The following TUSC3 variants were observed in gnomAD, a reference collection of about 807,000 sequenced individuals.
The protein encoded by TUSC3 is tumor suppressor candidate 3.
Under a neutral mutation model 44.8 loss-of-function variants are expected in TUSC3, and 45 were observed. The ratio of observed to expected loss-of-function variants is 1.00; its 90% CI spans 0.79 to 1.29. TUSC3 has a LOEUF of 1.29. Among genes scored for constraint, TUSC3 ranks in the 50% most tolerant of loss-of-function variants. The pLI, the probability that TUSC3 is intolerant of heterozygous loss-of-function variation, is 0.00. For synonymous variants in TUSC3, 212 were observed against 152.9 expected (o/e 1.39, Z -2.85); for missense variants, 519 against 437.9 (o/e 1.19, Z -1.65).
intron 1 of TUSC3, among the ~76,000 whole-genome samples, chr8:15,481,338 G>T (rs1377291875): frequency 2.0e-5 from 3 of 151,910 alleles, no homozygotes; most frequent in Non-Finnish European, 4.4e-5. Flanking sequence ...CCATTATTGA[G>T]GAGGTGGATT....
chr8:15,701,561 A>G (rs1424638953), intron 6 of TUSC3, among the ~76,000 whole-genome samples: 1 of 152,092 alleles, frequency 6.6e-6, no homozygotes, highest in African/African-American at 2.4e-5. Context: ...ATAGAAGTAG[A>G]TGCATAGAGA....
chr8:15,529,075 T>C (rs138236491), intron 2 of TUSC3, among the ~76,000 whole-genome samples: 3 of 152,352 alleles, frequency 2.0e-5, no homozygotes, highest in Admixed American at 6.5e-5. Flanking sequence ...GTAAGTGACA[T>C]ACTGTTTGCT....
intron 2 of TUSC3, among the ~76,000 whole-genome samples, chr8:15,530,934 C>T (rs541380828): frequency 3.7e-4 from 56 of 152,118 alleles, no homozygotes; most frequent in Non-Finnish European, 7.5e-4. Context: ...CATGTGATGA[C>T]GAACCTCGGG....
At chr8:15,530,243 A>C in intron 2 of TUSC3, among the ~76,000 whole-genome samples, 1 of 152,004 alleles carries the variant, frequency 6.6e-6, no homozygotes, top group Non-Finnish European at 1.5e-5. Context: ...CTCTAAAGGA[A>C]ACACACTGAA....
intron 2 of TUSC3, among the ~76,000 whole-genome samples, chr8:15,647,782 T>C (rs1304410874): frequency 1.3e-5 from 2 of 152,212 alleles, no homozygotes; most frequent in Non-Finnish European, 2.9e-5. Context: ...CTTGATTATT[T>C]GTCTCAACGT....
intron 6 of TUSC3, among the ~76,000 whole-genome samples, chr8:15,689,821 GGTGTGTGTGTGTGTGTGTGTGT>G (rs71543657): frequency 4.5e-4 from 59 of 131,056 alleles, no homozygotes; most frequent in African/African-American, 1.7e-3. Context: ...AATAGTCCAT[GGTGTGTGTGTGTGTGTGTGTGT>G]GTGTGTGTGT....
intron 1 of TUSC3, 35 bp downstream of exon 1, chr8:15,540,603 G>C: frequency 1.3e-6 from 2 of 1,518,566 alleles, no homozygotes; most frequent in Non-Finnish European, 1.8e-6. Flanking sequence ...CCCTGTGGGC[G>C]GGGGCGGGCC....
At chr8:15,667,539 C>T (rs1409297516) in intron 5 of TUSC3, among the ~76,000 whole-genome samples, 1 of 151,498 alleles carries the variant, frequency 6.6e-6, no homozygotes, top group Non-Finnish European at 1.5e-5. Flanking sequence ...ATGGAATATA[C>T]AAAGGATTGT....
At chr8:15,758,766 T>C (rs352800) in intron 10 of TUSC3, among the ~76,000 whole-genome samples, 44,463 of 151,960 alleles carry the variant, frequency 0.29, 6,960 homozygotes, top group Non-Finnish European at 0.35. Context: ...TTGTTAAATG[T>C]GGTTAACACT....
chr8:15,602,635 T>C (rs966742697), intron 1 of TUSC3, among the ~76,000 whole-genome samples: 3 of 150,872 alleles, frequency 2.0e-5, no homozygotes, highest in Non-Finnish European at 3.0e-5. Flanking sequence ...AGGTGCTCTC[T>C]CTTTGGGGTT....
intron 2 of TUSC3, among the ~76,000 whole-genome samples, chr8:15,519,133 C>T (rs1351117231): frequency 6.6e-6 from 1 of 152,060 alleles, no homozygotes; most frequent in African/African-American, 2.4e-5. Context: ...ATTTATTACT[C>T]ATTTTTTAAT....
At chr8:15,569,793 G>A (rs1366667411) in intron 1 of TUSC3, among the ~76,000 whole-genome samples, 1 of 151,980 alleles carries the variant, frequency 6.6e-6, no homozygotes, top group African/African-American at 2.4e-5. Flanking sequence ...TTCCTTGTCT[G>A]TTTGTATTCA....
At chr8:15,508,044 C>G (rs1801081982) in intron 2 of TUSC3, among the ~76,000 whole-genome samples, 1 of 152,096 alleles carries the variant, frequency 6.6e-6, no homozygotes, top group Non-Finnish European at 1.5e-5. Context: ...GAGTTCACGG[C>G]CAGCCTGGTC....
At chr8:15,777,419 C>T in the TUSC3 span, among the ~76,000 whole-genome samples, 4 of 151,986 alleles carry the variant, frequency 2.6e-5, no homozygotes, top group Admixed American at 6.6e-5. Flanking sequence ...ATCTTGGTGC[C>T]AAAGCTCAAA....
intron 7 of TUSC3, chr8:15,733,425 A>G: frequency 2.6e-6 from 1 of 391,062 alleles, no homozygotes. Flanking sequence ...GGATAAAGTG[A>G]TGACTATCGA....
At chr8:15,619,821 C>T (rs959717259) in intron 1 of TUSC3, among the ~76,000 whole-genome samples, 7 of 152,046 alleles carry the variant, frequency 4.6e-5, no homozygotes, top group African/African-American at 1.7e-4. Flanking sequence ...ATTCCATATA[C>T]TTTTTAATCT....
At chr8:15,691,267 G>A (rs1808887316) in intron 6 of TUSC3, among the ~76,000 whole-genome samples, 1 of 151,876 alleles carries the variant, frequency 6.6e-6, no homozygotes, top group African/African-American at 2.4e-5. Flanking sequence ...TCTTTTTGTG[G>A]CAGTTGTGAA....
At chr8:15,698,371 T>A (rs576457409) in intron 6 of TUSC3, among the ~76,000 whole-genome samples, 1 of 152,220 alleles carries the variant, frequency 6.6e-6, no homozygotes, top group African/African-American at 2.4e-5. Context: ...AGTAAACTTA[T>A]GAAAACAATT....
At chr8:15,419,080 A>G (rs1350470153) in intron 1 of TUSC3, among the ~76,000 whole-genome samples, 2 of 152,202 alleles carry the variant, frequency 1.3e-5, no homozygotes, top group African/African-American at 4.8e-5. Context: ...CCATATTACA[A>G]TGATACATTT....
Sources: gnomAD v4.1 joint callset for allele counts (sites outside exome capture counted in the v4.1 genomes callset) on GRCh38, gnomAD v4.1.1 for gene constraint, MANE v1.5 for transcripts, NCBI Gene and HGNC (gene_info 2026-07-23, HGNC 2026-07-21) for gene names.